The following CDH13 variants were observed in gnomAD, a reference collection of about 807,000 sequenced individuals.
CDH13 encodes the protein cadherin-13.
A neutral mutation model predicts 63.8 loss-of-function variants in CDH13; 24 were observed. That is an observed-to-expected ratio of 0.38 (90% CI 0.27 to 0.53). The LOEUF is 0.53. CDH13 is among the 20% of genes least tolerant of loss of function. The pLI, the probability that CDH13 is intolerant of heterozygous loss-of-function variation, is 0.85. For synonymous variants in CDH13, 503 were observed against 355.3 expected (o/e 1.42, Z -4.67); for missense variants, 1,049 against 903.1 (o/e 1.16, Z -2.07).
intron 1 of CDH13, among the ~76,000 whole-genome samples, chr16:82,846,509 G>A (rs286670): frequency 0.96 from 145,924 of 152,266 alleles, 70,223 homozygotes; most frequent in East Asian, 1. Context: ...GTGTTTTGCA[G>A]ATGAGGAAAC....
intron 3 of CDH13, among the ~76,000 whole-genome samples, chr16:83,074,262 A>C (rs777327630): frequency 6.6e-6 from 1 of 152,174 alleles, no homozygotes; most frequent in Non-Finnish European, 1.5e-5. Context: ...TGTGTCTGGC[A>C]TATTTCATTT....
chr16:83,079,743 G>C (rs560249574), intron 3 of CDH13, among the ~76,000 whole-genome samples: 1 of 152,140 alleles, frequency 6.6e-6, no homozygotes, highest in African/African-American at 2.4e-5. Context: ...CATACCATGA[G>C]GATTTTTTAT....
At chr16:83,352,389 G>A (rs545435949) in intron 6 of CDH13, among the ~76,000 whole-genome samples, 3 of 152,252 alleles carry the variant, frequency 2.0e-5, no homozygotes, top group African/African-American at 7.2e-5. Context: ...AAATACAACT[G>A]TATGGAAAGG....
rs1380763218 is a variant in CDH13, at chr16:83,127,546, G to A, written c.483+2045G>A. 3.3e-5 allele frequency among the ~76,000 whole-genome samples: 5 copies of A among 152,146 alleles called. No homozygotes were observed. In the South Asian group the frequency reaches 6.2e-4, roughly 19 times the overall value. The stretch of plus-strand genomic sequence containing the variant: ...GGAGTTCAAGACCATCCTGGCCAAC[G>A]TGGCGAAACCCCGTCTCAACTAAAA... On this transcript the variant is annotated intron_variant, in intron 4 of 13. Transcript: ENST00000567109.
At chr16:83,368,903 TATA>T (rs1217039143) in intron 6 of CDH13, among the ~76,000 whole-genome samples, 1 of 65,154 alleles carries the variant, frequency 1.5e-5, no homozygotes, top group Non-Finnish European at 2.8e-5. Flanking sequence ...TATATATATA[TATA>T]TATATATATA....
chr16:82,679,099 C>T (rs574528968), intron 1 of CDH13, among the ~76,000 whole-genome samples: 76 of 152,352 alleles, frequency 5.0e-4, no homozygotes, highest in African/African-American at 1.8e-3. Flanking sequence ...TCCCATTATC[C>T]ATGGGTCAAA....
At chr16:82,740,403 G>C (rs1303339255) in intron 1 of CDH13, among the ~76,000 whole-genome samples, 2 of 152,168 alleles carry the variant, frequency 1.3e-5, no homozygotes, top group Non-Finnish European at 2.9e-5. Flanking sequence ...CAGCGTATTA[G>C]CCCAACCCGC....
chr16:83,000,368 C>T lies in CDH13; in HGVS notation c.158-31642C>T, dbSNP rs562758383. On this transcript the variant is annotated intron_variant, in intron 2 of 13. Transcript: ENST00000567109. ...GGTTCAAGCAATTGTCTTGCCTCAG[C>T]CTCGCGAGTAGCTGGGATTACAGGC... Among the ~76,000 whole-genome samples the T allele has an allele frequency of 9.8e-4, 146 of 148,884 alleles. 1 individual carries two copies. Among genetic ancestry groups the T allele is most frequent in the African/African-American group, 3.5e-3 (141 of 40,506 alleles).
intron 1 of CDH13, chr16:82,824,928 A>G (rs958662124): frequency 6.6e-6 from 1 of 152,186 alleles, no homozygotes. Flanking sequence ...TTCTGTTAAA[A>G]AAATACTTTT....
intron 6 of CDH13, among the ~76,000 whole-genome samples, chr16:83,394,482 G>A (rs961530623): frequency 6.6e-6 from 1 of 152,182 alleles, no homozygotes; most frequent in African/African-American, 2.4e-5. Flanking sequence ...TGGAGGAATT[G>A]TAAGGATGTG....
At chr16:83,154,051 G>A (rs879944845) in intron 4 of CDH13, among the ~76,000 whole-genome samples, 1 of 152,102 alleles carries the variant, frequency 6.6e-6, no homozygotes, top group African/African-American at 2.4e-5. Flanking sequence ...ATGTCCTGTT[G>A]ATATCAAGCT....
rs139782591 is a variant in CDH13 at position 83,724,399 on chromosome 16, G to A, written c.1539-23709G>A. ...TGCATGGGTGGGTGATGAATGCATGGGTGAGTGATGAATGCATAGGTGAGT... is the reference window on the plus strand; with the variant it reads ...TGCATGGGTGGGTGATGAATGCATGAGTGAGTGATGAATGCATAGGTGAGT... On this transcript the variant is annotated intron_variant, in intron 10 of 13. Coordinates refer to ENST00000567109, the MANE Select transcript of CDH13 (RefSeq NM_001257.5). Among the ~76,000 whole-genome samples the A allele has an allele frequency of 3.5e-3, 530 of 149,454 alleles. 1 individual carries two copies. The highest frequency in any genetic ancestry group is 0.012 in the African/African-American group (497 of 41,164).
At chr16:82,680,437 G>T (rs1270540757) in intron 1 of CDH13, among the ~76,000 whole-genome samples, 1 of 152,164 alleles carries the variant, frequency 6.6e-6, no homozygotes, top group African/African-American at 2.4e-5. Context: ...AACCCAGGAA[G>T]TGTGATTCTT....
chr16:83,574,596 G>A (rs970050443), intron 7 of CDH13, among the ~76,000 whole-genome samples: 4 of 152,270 alleles, frequency 2.6e-5, no homozygotes, highest in Non-Finnish European at 4.4e-5. Context: ...CAGCTCTTGC[G>A]TGCTCAGTGT....
intron 5 of CDH13, among the ~76,000 whole-genome samples, chr16:83,263,306 C>T (rs561800928): frequency 6.6e-6 from 1 of 152,330 alleles, no homozygotes; most frequent in South Asian, 2.1e-4. Flanking sequence ...GCTCCTCAAA[C>T]ATTCGGAACA....
At chr16:83,246,845 C>T (rs1373498340) in intron 5 of CDH13, among the ~76,000 whole-genome samples, 1 of 152,188 alleles carries the variant, frequency 6.6e-6, no homozygotes, top group Non-Finnish European at 1.5e-5. Context: ...CTTCAGTTCT[C>T]CTTTCCCTTC....
intron 5 of CDH13, among the ~76,000 whole-genome samples, chr16:83,219,819 G>A (rs1041215164): frequency 4.6e-5 from 7 of 152,184 alleles, no homozygotes; most frequent in African/African-American, 1.7e-4. Context: ...GGATACAGTA[G>A]CAACAAGACA....
At chr16:82,734,084 G>A (rs2151041065) in intron 1 of CDH13, among the ~76,000 whole-genome samples, 1 of 152,332 alleles carries the variant, frequency 6.6e-6, no homozygotes, top group South Asian at 2.1e-4. Context: ...GAAAGTGTTT[G>A]AGTTGAGACC....
intron 8 of CDH13, among the ~76,000 whole-genome samples, chr16:83,635,484 C>A (rs1225836349): frequency 6.6e-6 from 1 of 151,746 alleles, no homozygotes; most frequent in Non-Finnish European, 1.5e-5. Flanking sequence ...GCTAGGATTG[C>A]AGGCACATGC....
Sources: gnomAD v4.1 joint callset for allele counts (sites outside exome capture counted in the v4.1 genomes callset) on GRCh38, gnomAD v4.1.1 for gene constraint, MANE v1.5 for transcripts, NCBI Gene and HGNC (gene_info 2026-07-23, HGNC 2026-07-21) for gene names.